ROBO2: variants seen among roughly 807,000 people sequenced by gnomAD.
The protein encoded by ROBO2 is roundabout homolog 2.
Under a neutral mutation model 160.8 loss-of-function variants are expected in ROBO2, and 53 were observed. The observed-to-expected ratio is 0.33, with a 90% CI of 0.26 to 0.41. The LOEUF (loss-of-function observed/expected upper bound fraction) is 0.41. Ranked by LOEUF, ROBO2 falls within the 10% of genes least tolerant of loss-of-function variation. ROBO2 has a pLI of 1.00. For missense variants in ROBO2, 1,577 were observed against 1,722.4 expected (o/e 0.92, Z 1.49); for synonymous variants, 664 against 611.7 (o/e 1.09, Z -1.26).
chr3:77,300,037 T>C (rs1176761323), intron 2 of ROBO2, among the ~76,000 whole-genome samples: 5 of 152,136 alleles, frequency 3.3e-5, no homozygotes, highest in African/African-American at 9.7e-5. Context: ...AATATTTAAA[T>C]CTGCCATACA....
chr3:76,072,612 A>G (rs2068499442), intron 2 of ROBO2, among the ~76,000 whole-genome samples: 1 of 152,108 alleles, frequency 6.6e-6, no homozygotes, highest in African/African-American at 2.4e-5. Context: ...GTATCAGCAC[A>G]CTTCATATTA....
At chr3:77,198,775 T>A (rs2082543815) in intron 2 of ROBO2, among the ~76,000 whole-genome samples, 1 of 151,998 alleles carries the variant, frequency 6.6e-6, no homozygotes, top group South Asian at 2.1e-4. Context: ...TGGTGCTGTG[T>A]GCCTGCAATC....
At chr3:76,897,873 T>A (rs2074929075) in intron 2 of ROBO2, among the ~76,000 whole-genome samples, 1 of 152,164 alleles carries the variant, frequency 6.6e-6, no homozygotes, top group African/African-American at 2.4e-5. Flanking sequence ...TTATGTACAG[T>A]TAATTGAACA....
intron 2 of ROBO2, among the ~76,000 whole-genome samples, chr3:76,927,800 G>A (rs916149366): frequency 4.6e-5 from 7 of 152,090 alleles, no homozygotes; most frequent in African/African-American, 1.7e-4. Context: ...TGAGTGCATG[G>A]TCATTCAGTA....
At chr3:77,431,480 T>C (rs936043619) in intron 2 of ROBO2, among the ~76,000 whole-genome samples, 7 of 152,150 alleles carry the variant, frequency 4.6e-5, no homozygotes, top group African/African-American at 1.7e-4. Flanking sequence ...AAAATAGATA[T>C]AAATAATTAT....
intron 2 of ROBO2, among the ~76,000 whole-genome samples, chr3:76,573,934 C>T (rs1214575601): frequency 1.3e-5 from 2 of 152,080 alleles, no homozygotes; most frequent in Non-Finnish European, 2.9e-5. Flanking sequence ...GGAAGTCTTA[C>T]TAATTCTGCA....
chr3:77,437,575 TA>T (rs952082012), intron 2 of ROBO2, among the ~76,000 whole-genome samples: 4 of 152,064 alleles, frequency 2.6e-5, no homozygotes, highest in East Asian at 1.9e-4. Flanking sequence ...ATAGTTATAT[TA>T]AAAAACATTT....
chr3:76,202,168 G>T (rs943110516), intron 2 of ROBO2, among the ~76,000 whole-genome samples: 1 of 152,028 alleles, frequency 6.6e-6, no homozygotes, highest in African/African-American at 2.4e-5. Context: ...CACATATATC[G>T]TGTTATGCTT....
At chr3:76,809,663 G>C (rs1254531944) in intron 2 of ROBO2, among the ~76,000 whole-genome samples, 1 of 152,024 alleles carries the variant, frequency 6.6e-6, no homozygotes, top group East Asian at 1.9e-4. Context: ...GTCACTCTTA[G>C]CAAAGACACC....
intron 2 of ROBO2, among the ~76,000 whole-genome samples, chr3:76,949,265 A>G (rs965723394): frequency 2.6e-5 from 4 of 151,828 alleles, no homozygotes; most frequent in African/African-American, 7.3e-5. Flanking sequence ...GTGTTTCTCA[A>G]TTTTTTGTCA....
intron 2 of ROBO2, among the ~76,000 whole-genome samples, chr3:77,476,949 G>A (rs116282218): frequency 0.013 from 2,029 of 151,062 alleles, 31 homozygotes; most frequent in African/African-American, 0.047. Context: ...CTATGTTTGT[G>A]TCATGAGAAA....
chr3:77,012,040 T>A (rs1259357413), intron 2 of ROBO2, among the ~76,000 whole-genome samples: 1 of 152,198 alleles, frequency 6.6e-6, no homozygotes, highest in South Asian at 2.1e-4. Context: ...TTTATTTTTA[T>A]ATTCAAATAG....
intron 2 of ROBO2, among the ~76,000 whole-genome samples, chr3:76,919,660 C>T (rs2076543456): frequency 6.6e-6 from 1 of 152,090 alleles, no homozygotes; most frequent in Non-Finnish European, 1.5e-5. Context: ...ATATTATCTT[C>T]TTGCTTAATG....
At chr3:77,502,142 A>T (rs917013114) in intron 5 of ROBO2, among the ~76,000 whole-genome samples, 1 of 152,160 alleles carries the variant, frequency 6.6e-6, no homozygotes, top group Non-Finnish European at 1.5e-5. Flanking sequence ...TGACTATGGG[A>T]CCTAGGATGT....
intron 2 of ROBO2, among the ~76,000 whole-genome samples, chr3:76,865,905 T>C (rs1033637897): frequency 3.3e-5 from 5 of 152,142 alleles, no homozygotes; most frequent in African/African-American, 7.2e-5. Context: ...ACCTTGTATT[T>C]TAGTAGGTAC....
chr3:75,937,500 A>G (rs1392822771), exon 2 of ROBO2: 43 of 1,565,796 alleles, frequency 2.7e-5, no homozygotes, highest in Admixed American at 3.5e-5. Flanking sequence ...TGCAATGGCC[A>G]GAAGACATGA....
intron 2 of ROBO2, among the ~76,000 whole-genome samples, chr3:77,373,547 A>T (rs9823357): frequency 3.4e-4 from 52 of 151,978 alleles, no homozygotes; most frequent in Admixed American, 2.2e-3. Flanking sequence ...AAAGAAATCA[A>T]GTTTCTCAAA....
chr3:77,352,928 C>T (rs1228506856), intron 2 of ROBO2, among the ~76,000 whole-genome samples: 2 of 152,176 alleles, frequency 1.3e-5, no homozygotes, highest in Non-Finnish European at 2.9e-5. Flanking sequence ...TCACATAATC[C>T]TTTTAAATAA....
intron 2 of ROBO2, among the ~76,000 whole-genome samples, chr3:77,292,509 A>T (rs960761207): frequency 6.6e-6 from 1 of 151,896 alleles, no homozygotes; most frequent in Non-Finnish European, 1.5e-5. Context: ...ACATAAAGTA[A>T]AATTGATGGT....
Sources: allele counts gnomAD v4.1 joint callset (sites outside exome capture counted in the v4.1 genomes callset), GRCh38; gene constraint gnomAD v4.1.1; transcripts MANE v1.5; gene names NCBI Gene and HGNC (gene_info 2026-07-23, HGNC 2026-07-21).